ATXN2: variants seen among roughly 807,000 people sequenced by gnomAD.
ATXN2 encodes the protein ataxin-2.
Under a neutral mutation model 138.6 loss-of-function variants are expected in ATXN2, and 37 were observed. That is an observed-to-expected ratio of 0.27 (90% CI 0.21 to 0.35). The LOEUF (loss-of-function observed/expected upper bound fraction) is 0.35. Among genes scored for constraint, ATXN2 ranks in the 10% least tolerant of loss-of-function variants. The pLI is 1.00. For missense variants in ATXN2, 1,216 were observed against 1,480.3 expected (o/e 0.82, Z 2.93); for synonymous variants, 549 against 543.7 (o/e 1.01, Z -0.13).
intron 19 of ATXN2, 80 bp from the exon 20 acceptor site, chr12:111,470,320 C>G: frequency 6.7e-7 from 1 of 1,493,828 alleles, no homozygotes; most frequent in Non-Finnish European, 9.1e-7. Flanking sequence ...ATTTTTAACT[C>G]CATGGTTTCC....
chr12:111,521,039 C>A, intron 6 of ATXN2, 66 bp from the exon 7 acceptor site: 1 of 1,030,450 alleles, frequency 9.7e-7, no homozygotes, highest in Admixed American at 2.5e-5. Context: ...TCAGTTATAA[C>A]CAACATCTAT....
chr12:111,500,201 G>GA (rs1878670347), intron 14 of ATXN2, among the ~76,000 whole-genome samples: 1 of 152,090 alleles, frequency 6.6e-6, no homozygotes, highest in Non-Finnish European at 1.5e-5. Context: ...CCAAGATTTG[G>GA]AATCAACCTA....
chr12:111,489,937 T>C (rs1213146557), intron 14 of ATXN2, among the ~76,000 whole-genome samples: 1 of 152,016 alleles, frequency 6.6e-6, no homozygotes, highest in Non-Finnish European at 1.5e-5. Context: ...GTGCAGTGGC[T>C]AACACCTATC....
At chr12:111,495,824 A>G (rs1230374324) in intron 14 of ATXN2, among the ~76,000 whole-genome samples, 1 of 152,184 alleles carries the variant, frequency 6.6e-6, no homozygotes, top group African/African-American at 2.4e-5. Flanking sequence ...TCTCAAAGAT[A>G]GACCCTATGT....
chr12:111,483,204 C>CAT (rs1877380629), intron 18 of ATXN2, among the ~76,000 whole-genome samples: 1 of 142,966 alleles, frequency 7.0e-6, no homozygotes, highest in South Asian at 2.2e-4. Context: ...TACACACACA[C>CAT]ACACACACAC....
In ATXN2 at chr12:111,452,907, G is replaced by A. The variant is rs942839741; in HGVS notation, c.3440-67C>T. ...CACCACACATCAGCCTAGTGTCTCT[G>A]CAGCACATGATTGTAAACTATCCTC... is the stretch of plus-strand genomic sequence containing the variant. On this transcript the variant is annotated intron_variant, in intron 24 of 24. Transcript: ENST00000673436. 5.5e-6 allele frequency: 8 copies of A among 1,460,984 alleles called. No homozygotes were observed. The South Asian group carries it at 8.8e-5, about 16-fold the overall frequency. 90.5% of individuals were successfully genotyped at this position (1,460,984 alleles called of 1,614,324 possible).
chr12:111,531,211 G>A (rs1310526051), intron 5 of ATXN2, among the ~76,000 whole-genome samples: 2 of 151,936 alleles, frequency 1.3e-5, no homozygotes, highest in Admixed American at 1.3e-4. Flanking sequence ...TCAAGAGATC[G>A]AGACCATCCT....
chr12:111,567,543 G>A (rs1176576670), intron 1 of ATXN2, among the ~76,000 whole-genome samples: 2 of 151,336 alleles, frequency 1.3e-5, no homozygotes, highest in Non-Finnish European at 2.9e-5. Flanking sequence ...GCCTGGCACA[G>A]TGGCTCATGC....
At chr12:111,537,727 G>A (rs1881272810) in intron 5 of ATXN2, among the ~76,000 whole-genome samples, 2 of 152,134 alleles carry the variant, frequency 1.3e-5, no homozygotes, top group Non-Finnish European at 2.9e-5. Flanking sequence ...AACTGCTAAG[G>A]GGTTCAGAGT....
intron 14 of ATXN2, among the ~76,000 whole-genome samples, chr12:111,504,667 A>T (rs895495546): frequency 5.3e-5 from 8 of 152,174 alleles, no homozygotes; most frequent in Non-Finnish European, 4.4e-5. Flanking sequence ...GAACTTACAC[A>T]GTAAAAATGG....
intron 14 of ATXN2, among the ~76,000 whole-genome samples, chr12:111,491,332 A>C (rs140564354): frequency 6.6e-6 from 1 of 152,268 alleles, no homozygotes; most frequent in African/African-American, 2.4e-5. Flanking sequence ...TAAACTTGAA[A>C]GGCAGTCTAG....
At chr12:111,477,756 CT>C (rs78144501) in intron 18 of ATXN2, among the ~76,000 whole-genome samples, 1 of 151,680 alleles carries the variant, frequency 6.6e-6, no homozygotes, top group Non-Finnish European at 1.5e-5. Flanking sequence ...AGAAACATGA[CT>C]TTTTTTTCTT....
At position 111,473,872 on chromosome 12, in the gene ATXN2, A is replaced by G. The variant is rs550735655; in HGVS notation, c.2525-3130T>C. Among the ~76,000 whole-genome samples the G allele has an allele frequency of 5.6e-4, 85 of 152,340 alleles. 2 individuals carry two copies. The South Asian group carries it at 0.015, about 27-fold the overall frequency. The stretch of plus-strand genomic sequence containing the variant: ...TAAATATCAACACAGGGATACAGTC[A>G]GCAAAATTCAGATCGTGGGAAAAAA... On this transcript the variant is annotated intron_variant, in intron 18 of 24. Coordinates refer to ENST00000673436, the MANE Select transcript of ATXN2 (RefSeq NM_001372574.1).
intron 5 of ATXN2, among the ~76,000 whole-genome samples, chr12:111,538,503 A>T (rs1881318569): frequency 6.7e-6 from 1 of 150,304 alleles, no homozygotes; most frequent in Non-Finnish European, 1.5e-5. Flanking sequence ...GGTACATACC[A>T]CCGTGTCTGG....
intron 23 of ATXN2, chr12:111,455,790 T>C: frequency 1.7e-6 from 1 of 587,728 alleles, no homozygotes; most frequent in East Asian, 2.9e-5. Context: ...GAGTCAAAGA[T>C]ATTTTTAAGG....
intron 1 of ATXN2, among the ~76,000 whole-genome samples, chr12:111,592,506 A>G (rs1314177574): frequency 6.6e-6 from 1 of 151,002 alleles, no homozygotes; most frequent in Non-Finnish European, 1.5e-5. Context: ...GCAGCGGCCA[A>G]GCACGGTGGC....
At chr12:111,544,125 T>G (rs1273124212) in intron 5 of ATXN2, among the ~76,000 whole-genome samples, 1 of 152,042 alleles carries the variant, frequency 6.6e-6, no homozygotes, top group Non-Finnish European at 1.5e-5. Context: ...ACATGTAAAA[T>G]CTACATGTGT....
At chr12:111,485,240 C>G in intron 18 of ATXN2, 25 bp downstream of exon 18, 1 of 1,594,642 alleles carries the variant, frequency 6.3e-7, no homozygotes, top group African/African-American at 1.3e-5. Context: ...AAACTACAAG[C>G]AAACACAGGC....
intron 6 of ATXN2, among the ~76,000 whole-genome samples, chr12:111,524,319 T>A (rs1880358608): frequency 6.6e-6 from 1 of 152,194 alleles, no homozygotes; most frequent in South Asian, 2.1e-4. Context: ...AACACAGATA[T>A]GTTACAAATT....
Sources: gnomAD v4.1 joint callset for allele counts (sites outside exome capture counted in the v4.1 genomes callset) on GRCh38, gnomAD v4.1.1 for gene constraint, MANE v1.5 for transcripts, NCBI Gene and HGNC (gene_info 2026-07-23, HGNC 2026-07-21) for gene names.